Variants in RIMS2 observed in about 807,000 individuals in gnomAD.
RIMS2 encodes the protein regulating synaptic membrane exocytosis protein 2.
RIMS2 carries 59 observed loss-of-function variants against 174.4 expected under a neutral mutation model. The ratio of observed to expected loss-of-function variants is 0.34; its 90% CI spans 0.27 to 0.42. RIMS2 has a LOEUF of 0.42. Ranked by LOEUF, RIMS2 falls within the 10% of genes least tolerant of loss-of-function variation. The pLI, the probability that RIMS2 is intolerant of heterozygous loss-of-function variation, is 1.00. For synonymous variants in RIMS2, 606 were observed against 572.5 expected, an observed-to-expected ratio of 1.06 and a Z score of -0.84; for missense variants, 1,620 against 1,666.3, an observed-to-expected ratio of 0.97 and a Z score of 0.48.
At chr8:104,235,634 CTCTT>C (rs1279274462) in intron 19 of RIMS2, among the ~76,000 whole-genome samples, 2 of 151,990 alleles carry the variant, frequency 1.3e-5, no homozygotes, top group African/African-American at 4.8e-5. Context: ...TTTATCTTTT[CTCTT>C]TCTCACTCTC....
At chr8:103,898,987 T>G (rs557385741) in intron 4 of RIMS2, among the ~76,000 whole-genome samples, 1 of 151,538 alleles carries the variant, frequency 6.6e-6, no homozygotes, top group East Asian at 1.9e-4. Context: ...TTTTTTATCC[T>G]TGTGATAGTT....
intron 19 of RIMS2, among the ~76,000 whole-genome samples, chr8:104,205,453 A>T (rs958148703): frequency 6.6e-6 from 1 of 151,842 alleles, no homozygotes; most frequent in African/African-American, 2.4e-5. Context: ...GCTGTGAACA[A>T]CTAACACATA....
At chr8:103,933,781 T>G (rs1263491358) in intron 12 of RIMS2, among the ~76,000 whole-genome samples, 1 of 152,228 alleles carries the variant, frequency 6.6e-6, no homozygotes, top group Admixed American at 6.5e-5. Flanking sequence ...CTTAACAATT[T>G]TTTATTTGTG....
chr8:103,838,548 A>G (rs1258005518), intron 3 of RIMS2, among the ~76,000 whole-genome samples: 1 of 152,140 alleles, frequency 6.6e-6, no homozygotes, highest in Non-Finnish European at 1.5e-5. Flanking sequence ...TGTTTTCATC[A>G]TGTGATTTGT....
intron 3 of RIMS2, among the ~76,000 whole-genome samples, chr8:103,833,325 T>C (rs549628993): frequency 6.6e-6 from 1 of 152,190 alleles, no homozygotes; most frequent in African/African-American, 2.4e-5. Flanking sequence ...AGTCTTGTTA[T>C]GTTATGCTTA....
At chr8:103,654,884 G>T (rs954133848) in intron 1 of RIMS2, among the ~76,000 whole-genome samples, 1 of 151,810 alleles carries the variant, frequency 6.6e-6, no homozygotes, top group Non-Finnish European at 1.5e-5. Flanking sequence ...GTAGAATAAC[G>T]AAATATTCTA....
chr8:103,858,463 A>T (rs1292297676), intron 3 of RIMS2, among the ~76,000 whole-genome samples: 1 of 152,060 alleles, frequency 6.6e-6, no homozygotes, highest in Non-Finnish European at 1.5e-5. Context: ...AGAAAAATTA[A>T]GTTAAGGAGG....
intron 15 of RIMS2, among the ~76,000 whole-genome samples, chr8:103,963,079 A>G (rs1018435483): frequency 6.6e-6 from 1 of 152,108 alleles, no homozygotes; most frequent in Non-Finnish European, 1.5e-5. Context: ...TTTTCCTTAC[A>G]TTTCCTCTTT....
chr8:103,803,741 A>C (rs1457127519), intron 3 of RIMS2, among the ~76,000 whole-genome samples: 2 of 152,184 alleles, frequency 1.3e-5, no homozygotes, highest in African/African-American at 2.4e-5. Flanking sequence ...AAGTAAATAA[A>C]CTGCCATGTT....
chr8:104,013,531 G>T (rs2095821302), exon 18 of RIMS2: 2 of 1,613,832 alleles, frequency 1.2e-6, no homozygotes, highest in Non-Finnish European at 8.5e-7. Flanking sequence ...ACCCGCTCCA[G>T]ATCCACTGAA....
At chr8:103,591,062 A>G (rs2094230778) in intron 1 of RIMS2, among the ~76,000 whole-genome samples, 1 of 150,644 alleles carries the variant, frequency 6.6e-6, no homozygotes, top group Non-Finnish European at 1.5e-5. Context: ...AAGGTATAAG[A>G]GTTCTGGCCC....
intron 3 of RIMS2, among the ~76,000 whole-genome samples, chr8:103,782,918 A>G (rs931604803): frequency 6.6e-6 from 1 of 152,160 alleles, no homozygotes; most frequent in Non-Finnish European, 1.5e-5. Context: ...TTAGTTTTCT[A>G]TATCTGTATA....
intron 19 of RIMS2, among the ~76,000 whole-genome samples, chr8:104,231,690 A>G (rs918952142): frequency 2.0e-5 from 3 of 152,212 alleles, no homozygotes; most frequent in East Asian, 1.9e-4. Context: ...TGTACATAAC[A>G]ATACCTATCT....
intron 19 of RIMS2, among the ~76,000 whole-genome samples, chr8:104,067,700 T>A (rs1158125494): frequency 1.3e-5 from 2 of 152,172 alleles, no homozygotes; most frequent in African/African-American, 4.8e-5. Flanking sequence ...CCCATAAATA[T>A]ACTTCCAAAA....
At chr8:103,684,989 A>T (rs570320448) in intron 1 of RIMS2, among the ~76,000 whole-genome samples, 2 of 152,184 alleles carry the variant, frequency 1.3e-5, no homozygotes, top group South Asian at 4.1e-4. Flanking sequence ...TTCTTCTAGA[A>T]GTTTTATAGT....
chr8:103,942,923 C>G, exon 14 of RIMS2: 1 of 1,601,902 alleles, frequency 6.2e-7, no homozygotes, highest in Non-Finnish European at 8.5e-7. Context: ...ACGGAGGTTG[C>G]AAAGTAAGTT....
rs190205438 is a variant in RIMS2, at chr8:103,581,928, C to A, written c.176+80866C>A. ...ACAGTGAATTGGGGGAGGTGGCATG[C>A]AACATACTGAGACACCACTGGTGCA... On this transcript the variant is annotated intron_variant, in intron 1 of 23. Transcript: ENST00000504942. Among the ~76,000 whole-genome samples, 39 of 152,268 alleles carry A rather than the reference C, an allele frequency of 2.6e-4. No homozygotes were observed. In the East Asian group the frequency reaches 6.6e-3, roughly 26 times the overall value.
At chr8:103,810,945 A>G (rs770156855) in intron 3 of RIMS2, among the ~76,000 whole-genome samples, 13 of 152,076 alleles carry the variant, frequency 8.5e-5, no homozygotes, top group Admixed American at 3.3e-4. Flanking sequence ...GCAAATGACT[A>G]TTATTTCTAA....
At chr8:103,712,011 A>G (rs1272540611) in intron 2 of RIMS2, among the ~76,000 whole-genome samples, 2 of 151,266 alleles carry the variant, frequency 1.3e-5, no homozygotes, top group African/African-American at 4.9e-5. Context: ...TTTTTTTTAG[A>G]GATGTGGTTT....
Sources: allele counts gnomAD v4.1 joint callset (sites outside exome capture counted in the v4.1 genomes callset), GRCh38; gene constraint gnomAD v4.1.1; transcripts MANE v1.5; gene names NCBI Gene and HGNC (gene_info 2026-07-23, HGNC 2026-07-21).